The following PHTF2 variants were observed in gnomAD, a reference collection of about 807,000 sequenced individuals.
PHTF2 encodes protein PHTF2.
Under a neutral mutation model 101.2 loss-of-function variants are expected in PHTF2, and 60 were observed. The ratio of observed to expected loss-of-function variants is 0.59; its 90% confidence interval spans 0.48 to 0.73. PHTF2 has a LOEUF of 0.73. Among genes scored for constraint, PHTF2 ranks in the 30% least tolerant of loss-of-function variants. The pLI is 0.00. For synonymous variants in PHTF2, 311 were observed against 307.3 expected, an observed-to-expected ratio of 1.01 and a Z score of -0.13; for missense variants, 747 against 908.7, an observed-to-expected ratio of 0.82 and a Z score of 2.29.
chr7:77,814,469 A>T (rs147286376), intron 1 of PHTF2, among the ~76,000 whole-genome samples: 1 of 151,498 alleles, frequency 6.6e-6, no homozygotes, highest in Admixed American at 6.6e-5. Context: ...TCGTTCTTGC[A>T]CTTAGGAGCA....
chr7:77,876,373 G>A (rs1490458325), intron 3 of PHTF2, among the ~76,000 whole-genome samples: 1 of 152,194 alleles, frequency 6.6e-6, no homozygotes, highest in Non-Finnish European at 1.5e-5. Context: ...TTTGGTCAGT[G>A]TTATTTAACT....
chr7:77,876,527 A>G (rs1334976412), intron 3 of PHTF2, among the ~76,000 whole-genome samples: 1 of 152,196 alleles, frequency 6.6e-6, no homozygotes, highest in African/African-American at 2.4e-5. Context: ...AAATATGAGC[A>G]ACACTTTTAT....
chr7:77,912,614 G>A (rs1213395715), intron 9 of PHTF2, among the ~76,000 whole-genome samples: 1 of 148,100 alleles, frequency 6.8e-6, no homozygotes, highest in African/African-American at 2.5e-5. Flanking sequence ...TGTATGGTAT[G>A]TTGATGGTTT....
In PHTF2 at chr7:77,836,246, G is replaced by T. The variant is rs539498083; in HGVS notation, c.-35-3975G>T. On this transcript the variant is annotated intron_variant, in intron 1 of 19. Transcript: ENST00000416283. ...TCACACTGAATAGGTTGAAGAAGAGGAGGGGTTGGTTTTCCCTTCCTGGAT... is the reference window on the plus strand; with the variant it reads ...TCACACTGAATAGGTTGAAGAAGAGTAGGGGTTGGTTTTCCCTTCCTGGAT... Among the ~76,000 whole-genome samples the T allele has an allele frequency of 3.7e-4, 57 of 152,222 alleles. 1 individual carries two copies. The South Asian group carries it at 5.6e-3, about 15-fold the overall frequency.
At chr7:77,841,075 CTTTTTTTTTTT>C (rs57283892) in intron 2 of PHTF2, among the ~76,000 whole-genome samples, 1 of 77,286 alleles carries the variant, frequency 1.3e-5, no homozygotes, top group Admixed American at 1.7e-4. Flanking sequence ...AAAAAACAGA[CTTTTTTTTTTT>C]TTTTTTTTTG....
At chr7:77,875,609 G>T (rs886114444) in intron 3 of PHTF2, among the ~76,000 whole-genome samples, 1 of 151,844 alleles carries the variant, frequency 6.6e-6, no homozygotes, top group African/African-American at 2.4e-5. Context: ...CCAGGCTGGA[G>T]TGCGGTGGCA....
intron 3 of PHTF2, among the ~76,000 whole-genome samples, chr7:77,870,102 G>A (rs1238157673): frequency 6.6e-6 from 1 of 151,906 alleles, no homozygotes; most frequent in East Asian, 1.9e-4. Flanking sequence ...AATTCCATTT[G>A]TCTATTTTTG....
intron 15 of PHTF2, among the ~76,000 whole-genome samples, chr7:77,941,823 C>T (rs1272703466): frequency 2.6e-5 from 4 of 152,250 alleles, no homozygotes; most frequent in African/African-American, 9.6e-5. Context: ...CAGTCTGCCA[C>T]CAGTGATCAT....
At chr7:77,916,144 A>T (rs1802902455) in intron 9 of PHTF2, among the ~76,000 whole-genome samples, 1 of 152,188 alleles carries the variant, frequency 6.6e-6, no homozygotes, top group Non-Finnish European at 1.5e-5. Flanking sequence ...AATGCTTTTT[A>T]TCTTGCATTC....
chr7:77,926,205 A>C (rs1199302027), intron 11 of PHTF2, among the ~76,000 whole-genome samples: 2 of 152,244 alleles, frequency 1.3e-5, no homozygotes, highest in African/African-American at 4.8e-5. Context: ...AGTCTGCAAC[A>C]GACGTTATAT....
intron 10 of PHTF2, among the ~76,000 whole-genome samples, chr7:77,920,861 T>G (rs1337414824): frequency 6.6e-6 from 1 of 152,094 alleles, no homozygotes; most frequent in Non-Finnish European, 1.5e-5. Context: ...TTTTTTTTGT[T>G]TTTTGTAGAG....
intron 7 of PHTF2, among the ~76,000 whole-genome samples, chr7:77,907,507 A>G (rs1045588873): frequency 1.3e-5 from 2 of 152,146 alleles, no homozygotes; most frequent in Non-Finnish European, 2.9e-5. Flanking sequence ...AGGAAACTAG[A>G]TAGAATAGTA....
intron 1 of PHTF2, among the ~76,000 whole-genome samples, chr7:77,837,157 A>T (rs1160453988): frequency 6.6e-6 from 1 of 152,190 alleles, no homozygotes. Context: ...TCCTTGTATC[A>T]GATCAGTTGA....
At chr7:77,934,621 TA>T (rs1804914140) in intron 12 of PHTF2, among the ~76,000 whole-genome samples, 2 of 151,828 alleles carry the variant, frequency 1.3e-5, no homozygotes, top group African/African-American at 4.8e-5. Context: ...TCTTCAAAGG[TA>T]AAAAAAAATT....
intron 10 of PHTF2, 59 bp downstream of exon 9, chr7:77,920,524 G>T: frequency 7.7e-7 from 1 of 1,291,802 alleles, no homozygotes; most frequent in South Asian, 1.2e-5. Flanking sequence ...AATGTAAAGT[G>T]ACTTAGATAT....
chr7:77,836,250 G>T (rs552943192), intron 1 of PHTF2, among the ~76,000 whole-genome samples: 2 of 152,204 alleles, frequency 1.3e-5, no homozygotes, highest in South Asian at 4.2e-4. Context: ...GAAGAGGAGG[G>T]GTTGGTTTTC....
chr7:77,904,823 G>A lies in PHTF2; in HGVS notation c.445+2903G>A, dbSNP rs188354652. Among the ~76,000 whole-genome samples, 248 of 152,308 alleles carry A rather than the reference G, an allele frequency of 1.6e-3. 4 individuals carry two copies. The highest frequency in any genetic ancestry group is 2.5e-4 in the Non-Finnish European group (17 of 68,026). On this transcript the variant is annotated intron_variant, in intron 7 of 19. Coordinates refer to ENST00000416283, the Ensembl canonical transcript of PHTF2. ...ATGCATTTGTGTGGGGAGGATGAAA[G>A]GAGCACAGTTTAGTTCATAACAGGT...
At chr7:77,850,289 T>C (rs1027667172) in intron 2 of PHTF2, among the ~76,000 whole-genome samples, 2 of 142,950 alleles carry the variant, frequency 1.4e-5, no homozygotes, top group African/African-American at 5.2e-5. Context: ...AGCCCTAGAA[T>C]TGAGGCTGCA....
chr7:77,812,127 G>T (rs1183541880), intron 1 of PHTF2, among the ~76,000 whole-genome samples: 1 of 152,086 alleles, frequency 6.6e-6, no homozygotes, highest in Non-Finnish European at 1.5e-5. Context: ...GATGGTGAGG[G>T]GCCTGGAAAT....
Sources: allele counts gnomAD v4.1 joint callset (sites outside exome capture counted in the v4.1 genomes callset), GRCh38; gene constraint gnomAD v4.1.1; transcripts MANE v1.5; gene names NCBI Gene and HGNC (gene_info 2026-07-23, HGNC 2026-07-21).